The following RPS6KA2 variants were observed in gnomAD, a reference collection of about 807,000 sequenced individuals.
RPS6KA2 encodes ribosomal protein S6 kinase alpha-2.
A neutral mutation model predicts 91.8 loss-of-function variants in RPS6KA2; 42 were observed. The ratio of observed to expected loss-of-function variants is 0.46; its 90% CI spans 0.36 to 0.59. The LOEUF is 0.59. Among genes scored for constraint, RPS6KA2 ranks in the 20% least tolerant of loss-of-function variants. The probability of loss-of-function intolerance (pLI) is 0.00; values close to 1 mark genes in which losing one functional copy is unlikely to be tolerated. For synonymous variants in RPS6KA2, 414 were observed against 393.6 expected, an observed-to-expected ratio of 1.05 and a Z score of -0.61; for missense variants, 798 against 978.5, an observed-to-expected ratio of 0.82 and a Z score of 2.46.
chr6:166,655,540 C>G (rs965183842), intron 2 of RPS6KA2, among the ~76,000 whole-genome samples: 2 of 152,214 alleles, frequency 1.3e-5, no homozygotes, highest in African/African-American at 4.8e-5. Flanking sequence ...CTGGAGGCTA[C>G]ACACCTGGCT....
chr6:166,634,548 C>T (rs1455514584), intron 2 of RPS6KA2, among the ~76,000 whole-genome samples: 3 of 152,258 alleles, frequency 2.0e-5, no homozygotes, highest in South Asian at 4.1e-4. Context: ...CCAACATGAC[C>T]ACAAACATGG....
intron 2 of RPS6KA2, among the ~76,000 whole-genome samples, chr6:166,746,316 A>G (rs1011342416): frequency 3.3e-5 from 5 of 152,204 alleles, no homozygotes; most frequent in Non-Finnish European, 5.9e-5. Context: ...CCATTTCAGT[A>G]TCTGGGATAA....
chr6:166,650,720 G>GC (rs1787829717), intron 2 of RPS6KA2, among the ~76,000 whole-genome samples: 1 of 152,168 alleles, frequency 6.6e-6, no homozygotes, highest in South Asian at 2.1e-4. Flanking sequence ...CAAATTGTTG[G>GC]CTTCAAGTTC....
At chr6:166,430,306 C>T in intron 16 of RPS6KA2, 147 bp downstream of exon 16, 1 of 771,472 alleles carries the variant, frequency 1.3e-6, no homozygotes, top group Non-Finnish European at 2.1e-6. Context: ...GTCACTGAGC[C>T]TCCAGACACA....
rs79107262 is a variant in RPS6KA2 at position 166,639,233 on chromosome 6, A to T, written c.124-100449T>A. Among the ~76,000 whole-genome samples the T allele has an allele frequency of 6.6e-6, 1 of 152,188 alleles. No individual in the cohort carries two copies. The highest frequency in any genetic ancestry group is 1.5e-5 in the Non-Finnish European group (1 of 68,036). ...GTATTGTCTTATGCAAGGCATAACC[A>T]TGTGCCCCGCTGCCCAAACCAGAAG... On this transcript the variant is annotated intron_variant, in intron 2 of 21. Coordinates refer to the RPS6KA2 transcript ENST00000503859. The surrounding 1 kb of genome is among the most constrained non-coding windows in gnomAD (Gnocchi z 4.2).
chr6:166,732,868 C>T lies in RPS6KA2; in HGVS notation c.123+125332G>A, dbSNP rs911533295. ...GGGAACAGCCAAAGTGAAGGCTGCT[C>T]TGGTTCAAGTTGGTGTTCAAATAAA... On this transcript the variant is annotated intron_variant, in intron 2 of 21. Coordinates refer to the RPS6KA2 transcript ENST00000503859. This position sits in a 1 kb window ranked among gnomAD's most constrained non-coding sequence, Gnocchi z 4.0. 6.6e-6 allele frequency among the ~76,000 whole-genome samples: 1 copy of T among 151,798 alleles called. No individual in the cohort carries two copies. Among genetic ancestry groups the T allele is most frequent in the Admixed American group, 6.6e-5 (1 of 15,266 alleles).
At chr6:166,596,302 TC>T (rs1305208035) in intron 1 of RPS6KA2, among the ~76,000 whole-genome samples, 2 of 152,222 alleles carry the variant, frequency 1.3e-5, no homozygotes, top group Non-Finnish European at 2.9e-5. Flanking sequence ...AAAGTATTGT[TC>T]CTGGGTGTGT....
chr6:166,751,215 G>A (rs989225935), intron 2 of RPS6KA2, among the ~76,000 whole-genome samples: 3 of 152,240 alleles, frequency 2.0e-5, no homozygotes, highest in Non-Finnish European at 4.4e-5. Context: ...ACCTCAAAAA[G>A]CCTGCTTCCA....
At chr6:166,676,334 A>T (rs1380488669) in intron 2 of RPS6KA2, among the ~76,000 whole-genome samples, 2 of 151,680 alleles carry the variant, frequency 1.3e-5, no homozygotes, top group Admixed American at 1.3e-4. Flanking sequence ...AAAAAAAAAA[A>T]ATGTCCTGGG....
At chr6:166,425,225 T>A (rs1397341584) in intron 16 of RPS6KA2, among the ~76,000 whole-genome samples, 1 of 152,130 alleles carries the variant, frequency 6.6e-6, no homozygotes, top group African/African-American at 2.4e-5. Context: ...TTTCTTTGTC[T>A]TCTTTAAAAA....
At chr6:166,485,160 A>G (rs114112052) in intron 10 of RPS6KA2, among the ~76,000 whole-genome samples, 266 of 152,326 alleles carry the variant, frequency 1.7e-3, no homozygotes, top group African/African-American at 6.1e-3. Context: ...CCAGCAGCAT[A>G]GAGAATGAGG....
intron 2 of RPS6KA2, among the ~76,000 whole-genome samples, chr6:166,734,132 G>A (rs1040592480): frequency 6.6e-6 from 1 of 152,208 alleles, no homozygotes; most frequent in Non-Finnish European, 1.5e-5. Context: ...GGGGAGAGAG[G>A]AAAGTTAGGT....
At chr6:166,455,312 C>T (rs991590401) in intron 12 of RPS6KA2, among the ~76,000 whole-genome samples, 1 of 152,116 alleles carries the variant, frequency 6.6e-6, no homozygotes, top group East Asian at 1.9e-4. Flanking sequence ...GAGCCGGGCC[C>T]CACGCCGCGT....
chr6:166,750,147 C>A (rs570361409), intron 2 of RPS6KA2, among the ~76,000 whole-genome samples: 1 of 152,336 alleles, frequency 6.6e-6, no homozygotes, highest in Non-Finnish European at 1.5e-5. Context: ...CCACTCTGTG[C>A]TACTGTGAAG....
At chr6:166,532,336 C>T (rs1002311920) in intron 2 of RPS6KA2, among the ~76,000 whole-genome samples, 12 of 152,178 alleles carry the variant, frequency 7.9e-5, no homozygotes, top group African/African-American at 2.7e-4. Context: ...GGAGGGGCAA[C>T]GTCTAGACAC....
chr6:166,459,570 C>A lies in RPS6KA2; in HGVS notation c.973-19G>T, dbSNP rs1243851111. ...ACAGCGTCTATTAATACAAGGAAAG[C>A]AAGACAGGGCACTGAGGATGCACAG... is the stretch of plus-strand genomic sequence containing the variant. On this transcript the variant is annotated intron_variant, in intron 11 of 20. Transcript: ENST00000265678. The surrounding 1 kb of genome is among the most constrained non-coding windows in gnomAD (Gnocchi z 4.9). 1.3e-6 allele frequency: 2 copies of A among 1,574,110 alleles called. No homozygotes were observed. The highest frequency in any genetic ancestry group is 1.7e-5 in the Admixed American group (1 of 59,592).
At chr6:166,778,623 G>C (rs992400938) in intron 2 of RPS6KA2, among the ~76,000 whole-genome samples, 4 of 152,146 alleles carry the variant, frequency 2.6e-5, no homozygotes, top group Non-Finnish European at 5.9e-5. Flanking sequence ...AAAATTAGAC[G>C]GTTGTGGTGG....
rs571040737 is a variant in RPS6KA2 at position 166,586,096 on chromosome 6, T to C, written c.99+40825A>G. The C allele has an allele frequency of 2.9e-3, 3,696 of 1,279,446 alleles. 23 individuals are homozygous for C. The highest frequency in any genetic ancestry group is 2.4e-3 in the Non-Finnish European group (2,356 of 963,752). 79.3% of individuals were successfully genotyped at this position (1,279,446 alleles called of 1,614,324 possible). ...TCTCATGGTAACAGAGTAAATGCTT[T>C]TACTAAAAGCTGCCAACATTTCTAT... On this transcript the variant is annotated intron_variant, in intron 1 of 20. Transcript: ENST00000265678.
chr6:166,510,873 G>A (rs917232916), intron 3 of RPS6KA2, among the ~76,000 whole-genome samples: 3 of 151,896 alleles, frequency 2.0e-5, no homozygotes, highest in African/African-American at 7.3e-5. Context: ...AGAAGACAAT[G>A]GTCCCATACC....
Sources: allele counts gnomAD v4.1 joint callset (sites outside exome capture counted in the v4.1 genomes callset), GRCh38; gene constraint gnomAD v4.1.1; non-coding constraint Gnocchi (gnomAD v3.1); transcripts MANE v1.5; gene names NCBI Gene and HGNC (gene_info 2026-07-23, HGNC 2026-07-21).